FAM53B: variants seen among roughly 807,000 people sequenced by gnomAD.
FAM53B encodes protein FAM53B.
In FAM53B, 12 loss-of-function variants were observed where a neutral mutation model predicts 32.7. The ratio of observed to expected loss-of-function variants is 0.37; its 90% CI spans 0.24 to 0.59. FAM53B has a LOEUF of 0.59. FAM53B is among the 20% of genes least tolerant of loss of function. FAM53B has a pLI of 0.72. For missense variants in FAM53B, 477 were observed against 577.7 expected, an observed-to-expected ratio of 0.83 and a Z score of 1.79; for synonymous variants, 234 against 228.7, an observed-to-expected ratio of 1.02 and a Z score of -0.21.
Position 124,627,463 on chromosome 10 carries a change from G to A in FAM53B, c.907-3859C>T, listed in dbSNP as rs557871424. 1.1e-3 allele frequency among the ~76,000 whole-genome samples: 172 copies of A among 152,330 alleles called. 1 individual carries two copies. Among genetic ancestry groups the A allele is most frequent in the African/African-American group, 3.9e-3 (164 of 41,578 alleles). Reference sequence around the variant, plus strand: ...TGCTGCATGAACACATTATTCCAAGGTGAAAGTGCTGCTCCAGGACCAACT... The same window carrying A: ...TGCTGCATGAACACATTATTCCAAGATGAAAGTGCTGCTCCAGGACCAACT... On this transcript the variant is annotated intron_variant, in intron 4 of 4. Coordinates refer to ENST00000337318, the MANE Select transcript of FAM53B (RefSeq NM_014661.4).
intron 4 of FAM53B, among the ~76,000 whole-genome samples, chr10:124,631,713 C>G (rs897056457): frequency 1.3e-5 from 2 of 152,184 alleles, no homozygotes; most frequent in South Asian, 4.1e-4. Flanking sequence ...GGCTCTGACT[C>G]CTTCTATAGC....
At chr10:124,666,480 C>G (rs759059890) in intron 4 of FAM53B, among the ~76,000 whole-genome samples, 2 of 152,162 alleles carry the variant, frequency 1.3e-5, no homozygotes, top group Non-Finnish European at 2.9e-5. Context: ...GCGAGTGGCT[C>G]GAGCAGGGGA....
chr10:124,656,671 T>C (rs1204706249), intron 4 of FAM53B, among the ~76,000 whole-genome samples: 1 of 152,046 alleles, frequency 6.6e-6, no homozygotes, highest in Non-Finnish European at 1.5e-5. Context: ...AGATCATAGG[T>C]GATGTGCTGC....
At chr10:124,742,920 C>T (rs892773982) in intron 1 of FAM53B, 1 of 152,222 alleles carries the variant, frequency 6.6e-6, no homozygotes, top group South Asian at 2.1e-4. Flanking sequence ...TCCCATTCAT[C>T]AAACGCTGCA....
In FAM53B at chr10:124,682,188, G is replaced by A; in HGVS notation, c.325C>T (p.Pro109Ser). 1 of 1,613,846 alleles carries A rather than the reference G, an allele frequency of 6.2e-7. No homozygotes were observed. Among genetic ancestry groups the A allele is most frequent in the Non-Finnish European group, 8.5e-7 (1 of 1,179,932 alleles). Reference protein sequence around the residue: ...SDHNGNPSAPPSKRQCRSLSF... With the variant: ...SDHNGNPSAPSSKRQCRSLSF... ...AGTGAGCGGCACTGGCGCTTGCTAGGGGGTGCTGAGGGGTTCCCGTTGTGG... is the reference window on the plus strand; with the variant it reads ...AGTGAGCGGCACTGGCGCTTGCTAGAGGGTGCTGAGGGGTTCCCGTTGTGG... Residue 109 changes from proline (P) to serine (S), a missense_variant, in exon 4 of 5, where the codon CCT becomes TCT. Around this residue, in one of 2 missense-constraint regions of FAM53B, gnomAD observed 312 missense variants for 420.2 expected, o/e 0.74. Transcript: ENST00000337318. The surrounding 1 kb of genome is among the most constrained non-coding windows in gnomAD (Gnocchi z 5.2).
At chr10:124,719,197 G>A (rs932483150) in intron 1 of FAM53B, among the ~76,000 whole-genome samples, 4 of 152,122 alleles carry the variant, frequency 2.6e-5, no homozygotes, top group South Asian at 2.1e-4. Flanking sequence ...GCTGCTCAAC[G>A]GGTCTTGAGC....
chr10:124,666,256 G>A (rs75098246), intron 4 of FAM53B, among the ~76,000 whole-genome samples: 6,877 of 152,314 alleles, frequency 0.045, 521 homozygotes, highest in African/African-American at 0.15. Context: ...ATGGTTAAGA[G>A]GCTGCCAAGC....
chr10:124,696,642 C>T (rs768972690), intron 2 of FAM53B, among the ~76,000 whole-genome samples: 6 of 152,150 alleles, frequency 3.9e-5, no homozygotes, highest in Admixed American at 6.5e-5. Flanking sequence ...GCCCCAGGTC[C>T]GACTCCGAGA....
intron 1 of FAM53B, among the ~76,000 whole-genome samples, chr10:124,715,450 C>A (rs1331846948): frequency 1.3e-5 from 2 of 152,198 alleles, no homozygotes; most frequent in Non-Finnish European, 2.9e-5. Flanking sequence ...CCAGCTGGAA[C>A]CTGTATCCAT....
rs144243051 is a variant in FAM53B at position 124,663,546 on chromosome 10, C to G, written c.906+18061G>C. On this transcript the variant is annotated intron_variant, in intron 4 of 4. Coordinates refer to ENST00000337318, the MANE Select transcript of FAM53B (RefSeq NM_014661.4). Reference sequence around the variant, plus strand: ...CCACAGAGGGCCCATCTCCCATATTCAGCACTTTCCATATTGAAGGAGCTC... The same window carrying G: ...CCACAGAGGGCCCATCTCCCATATTGAGCACTTTCCATATTGAAGGAGCTC... Among the ~76,000 whole-genome samples the G allele has an allele frequency of 6.2e-3, 945 of 152,326 alleles. 7 individuals are homozygous for G. The highest frequency in any genetic ancestry group is 9.9e-3 in the Non-Finnish European group (673 of 68,030).
chr10:124,664,615 C>T (rs1033423270), intron 4 of FAM53B, among the ~76,000 whole-genome samples: 5 of 152,208 alleles, frequency 3.3e-5, no homozygotes, highest in Non-Finnish European at 5.9e-5. Context: ...AGCAAGTCAC[C>T]TAAGGACGGC....
intron 4 of FAM53B, among the ~76,000 whole-genome samples, chr10:124,679,633 C>T (rs1345786122): frequency 6.6e-6 from 1 of 152,256 alleles, no homozygotes; most frequent in African/African-American, 2.4e-5. Context: ...TGGGCACACA[C>T]ACTTTCCAGA....
At chr10:124,679,678 C>G (rs929046293) in intron 4 of FAM53B, among the ~76,000 whole-genome samples, 3 of 152,264 alleles carry the variant, frequency 2.0e-5, no homozygotes, top group Non-Finnish European at 2.9e-5. Context: ...CCGAGACCCA[C>G]TGCCAAGCAG....
At chr10:124,740,635 C>T (rs78379777) in intron 1 of FAM53B, among the ~76,000 whole-genome samples, 5,205 of 152,262 alleles carry the variant, frequency 0.034, 133 homozygotes, top group Non-Finnish European at 0.046. Context: ...AACCCTCAAA[C>T]TTAGGCAGGA....
At chr10:124,731,326 T>A (rs187360959) in intron 1 of FAM53B, among the ~76,000 whole-genome samples, 1 of 152,316 alleles carries the variant, frequency 6.6e-6, no homozygotes, top group African/African-American at 2.4e-5. Context: ...TTATTCCCAG[T>A]CCACAGATGA....
At chr10:124,640,830 A>G (rs1949465866) in intron 4 of FAM53B, among the ~76,000 whole-genome samples, 1 of 152,062 alleles carries the variant, frequency 6.6e-6, no homozygotes, top group South Asian at 2.1e-4. Flanking sequence ...CGAGCGCAGG[A>G]AGAGAGGAGG....
At chr10:124,678,432 G>A (rs1051651678) in intron 4 of FAM53B, among the ~76,000 whole-genome samples, 2 of 152,230 alleles carry the variant, frequency 1.3e-5, no homozygotes, top group African/African-American at 4.8e-5. Context: ...CCACAGTCCT[G>A]TGGCGGTGGT....
At chr10:124,705,138 T>C (rs117307054) in intron 2 of FAM53B, among the ~76,000 whole-genome samples, 4 of 152,128 alleles carry the variant, frequency 2.6e-5, no homozygotes, top group Non-Finnish European at 5.9e-5. Flanking sequence ...TGACACCCCA[T>C]GGAGACCTCA....
intron 4 of FAM53B, among the ~76,000 whole-genome samples, chr10:124,644,371 C>G (rs895337041): frequency 2.0e-5 from 3 of 152,202 alleles, no homozygotes; most frequent in Admixed American, 6.5e-5. Context: ...AACCTAGGAG[C>G]TTTGGCTCTG....
Sources: gnomAD v4.1 joint callset for allele counts (sites outside exome capture counted in the v4.1 genomes callset) on GRCh38, gnomAD v4.1.1 for gene constraint, gnomAD v4.1.1 regional missense constraint, Gnocchi (gnomAD v3.1) non-coding constraint, MANE v1.5 for transcripts, NCBI Gene and HGNC (gene_info 2026-07-23, HGNC 2026-07-21) for gene names.